Variants in KLHL13 observed in about 807,000 individuals in gnomAD.
KLHL13 encodes the protein kelch like family member 13, also known as kelch-like protein 13.
Under a neutral mutation model 37.1 loss-of-function variants are expected in KLHL13, and 10 were observed. The observed-to-expected ratio is 0.27, with a 90% CI of 0.17 to 0.46. The LOEUF (loss-of-function observed/expected upper bound fraction) is 0.46. Ranked by LOEUF, KLHL13 falls within the 20% of genes least tolerant of loss-of-function variation. KLHL13 has a pLI of 1.00. For missense variants in KLHL13, 360 were observed against 509.3 expected (o/e 0.71, Z 2.82); for synonymous variants, 163 against 181.2 (o/e 0.90, Z 0.81).
rs757635910 is a variant in KLHL13 at position 118,106,192 on chromosome X, C to T, written c.-56+10316G>A. Among the ~76,000 whole-genome samples, 5 of 109,156 alleles carry T rather than the reference C, an allele frequency of 4.6e-5. No individual in the cohort carries two copies. In the South Asian group the frequency reaches 2.0e-3, roughly 44 times the overall value. The allele number at this position is 109,156 out of a possible 115,157, so 94.8% of individuals were successfully genotyped here. A position where few individuals can be genotyped will look rare whatever the true frequency, so the allele number is the denominator to read the frequency against. ...GATTACAGGCATGAGCCACCGCGCC[C>T]GGCCAAGAGCTTTTTATATCATTAG... is the stretch of plus-strand genomic sequence containing the variant. On this transcript the variant is annotated intron_variant, in intron 1 of 6. Coordinates refer to the KLHL13 transcript ENST00000371882.
At chrX:117,978,157 A>G (rs1031786684), upstream of KLHL13, among the ~76,000 whole-genome samples, 5 of 112,676 alleles carry the variant, frequency 4.4e-5, no homozygotes, top group African/African-American at 1.6e-4. Context: ...CTACAAAGAC[A>G]TTCCCTTTTG....
At chrX:117,941,746 A>G (rs1179607284) in intron 2 of KLHL13, among the ~76,000 whole-genome samples, 2 of 110,991 alleles carry the variant, frequency 1.8e-5, no homozygotes, top group Non-Finnish European at 3.8e-5. Flanking sequence ...TAATCTGGCT[A>G]GCGGTCTATC....
At chrX:117,964,131 A>T (rs1374094577) in intron 1 of KLHL13, among the ~76,000 whole-genome samples, 2 of 102,313 alleles carry the variant, frequency 2.0e-5, no homozygotes, top group Non-Finnish European at 4.0e-5. Context: ...AGCATGGCAC[A>T]TGTATACATA....
At chrX:118,116,199 G>C (rs1273225937) in intron 1 of KLHL13, among the ~76,000 whole-genome samples, 1 of 111,617 alleles carries the variant, frequency 9.0e-6, no homozygotes, top group Non-Finnish European at 1.9e-5. Context: ...GCGAGGCCCA[G>C]AGGAGAAGAT....
chrX:118,048,658 C>T lies in KLHL13; in HGVS notation c.-56+67850G>A, dbSNP rs770557430. On this transcript the variant is annotated intron_variant, in intron 1 of 6. Coordinates refer to the KLHL13 transcript ENST00000371882. ...AGTCGGGACTATGTAGATGTGCAGACGGGATATGACATAGAAAGGCCAACA... is the reference window on the plus strand; with the variant it reads ...AGTCGGGACTATGTAGATGTGCAGATGGGATATGACATAGAAAGGCCAACA... Among the ~76,000 whole-genome samples, 12 of 111,571 alleles carry T rather than the reference C, an allele frequency of 1.1e-4. No homozygotes were observed. The South Asian group carries it at 4.1e-3, about 38-fold the overall frequency.
chrX:117,955,435 C>CT (rs1479183369), intron 1 of KLHL13, among the ~76,000 whole-genome samples: 2 of 111,740 alleles, frequency 1.8e-5, no homozygotes, highest in African/African-American at 6.5e-5. Flanking sequence ...CCCAATGACT[C>CT]TATGTATTCA....
exon 7 of KLHL13, chrX:117,898,733 A>G: frequency 2.0e-6 from 1 of 507,732 alleles, no homozygotes; most frequent in Non-Finnish European, 3.1e-6. Flanking sequence ...ACCACTTTAT[A>G]AACATTCTAG....
rs184124210 is a variant in KLHL13, at chrX:117,916,972, T to A, written c.570+2549A>T. On this transcript the variant is annotated intron_variant, in intron 4 of 6. Coordinates refer to ENST00000262820, the Ensembl canonical transcript of KLHL13. ...TTAAAAAATATAGTATCTTGAGATG[T>A]TCAGTTTTTATAAGTAGAAAATACA... Among the ~76,000 whole-genome samples, 286 of 112,008 alleles carry A rather than the reference T, an allele frequency of 2.6e-3. 1 individual carries two copies. Among genetic ancestry groups the A allele is most frequent in the Middle Eastern group, 0.014 (3 of 215 alleles).
At chrX:118,108,963 T>C (rs755176755) in intron 1 of KLHL13, among the ~76,000 whole-genome samples, 7 of 111,607 alleles carry the variant, frequency 6.3e-5, no homozygotes, top group African/African-American at 2.3e-4. Flanking sequence ...TGTGCCTCCA[T>C]GCCCAGCTAA....
In KLHL13 at chrX:117,920,975, C is replaced by A. The variant is rs780155846; in HGVS notation, c.241-605G>T. Among the ~76,000 whole-genome samples, 3 of 110,030 alleles carry A rather than the reference C, an allele frequency of 2.7e-5. No homozygotes were observed. In the South Asian group the frequency reaches 1.2e-3, roughly 43 times the overall value. ...TTAATTATCTTTGTTTGAAAAAAAA[C>A]AAAAAAAAGCCCAGGAAACCCCAAC... On this transcript the variant is annotated intron_variant, in intron 2 of 6. Coordinates refer to ENST00000262820, the Ensembl canonical transcript of KLHL13.
intron 2 of KLHL13, among the ~76,000 whole-genome samples, chrX:117,928,522 A>G (rs1004678778): frequency 2.7e-5 from 3 of 112,267 alleles, no homozygotes; most frequent in African/African-American, 9.7e-5. Flanking sequence ...CTCTGGCCCC[A>G]GCTTAATTAT....
intron 1 of KLHL13, among the ~76,000 whole-genome samples, chrX:118,064,386 C>T (rs2054774217): frequency 9.0e-6 from 1 of 111,313 alleles, no homozygotes; most frequent in Non-Finnish European, 1.9e-5. Flanking sequence ...CTTTTTCCCT[C>T]CAATTCCCAA....
intron 1 of KLHL13, among the ~76,000 whole-genome samples, chrX:118,103,756 T>G: frequency 9.0e-6 from 1 of 110,736 alleles, no homozygotes; most frequent in Non-Finnish European, 1.9e-5. Flanking sequence ...CACAGAGATA[T>G]TTGGTTTGGT....
upstream of KLHL13, among the ~76,000 whole-genome samples, chrX:117,977,387 CTAAA>C (rs2053608031): frequency 9.0e-6 from 1 of 111,473 alleles, no homozygotes; most frequent in South Asian, 3.7e-4. Context: ...GCATATGTTC[CTAAA>C]TAATTTTATA....
intron 1 of KLHL13, chrX:117,947,212 T>G (rs1933366691): frequency 8.9e-6 from 1 of 111,895 alleles, no homozygotes; most frequent in East Asian, 2.8e-4. Context: ...AGAAATTGAT[T>G]GATGGTGACT....
chrX:118,060,562 C>T (rs2148092163), intron 1 of KLHL13, among the ~76,000 whole-genome samples: 1 of 110,787 alleles, frequency 9.0e-6, no homozygotes, highest in Admixed American at 9.7e-5. Flanking sequence ...AGTTACTTTA[C>T]CAAATCCTCA....
chrX:117,958,853 T>C (rs1456909550), intron 1 of KLHL13, among the ~76,000 whole-genome samples: 1 of 111,805 alleles, frequency 8.9e-6, no homozygotes. Context: ...AACTTTTTTC[T>C]CTAATCCATA....
intron 4 of KLHL13, among the ~76,000 whole-genome samples, chrX:117,911,380 C>T (rs1184002718): frequency 8.9e-6 from 1 of 112,401 alleles, no homozygotes; most frequent in Non-Finnish European, 1.9e-5. Context: ...AAGGTTAACA[C>T]ACACACATTG....
At chrX:118,072,485 C>A (rs2054881022) in intron 1 of KLHL13, among the ~76,000 whole-genome samples, 2 of 111,598 alleles carry the variant, frequency 1.8e-5, no homozygotes, top group South Asian at 7.6e-4. Context: ...CAAATGGGAT[C>A]TAATTCAACT....
Sources: gnomAD v4.1 joint callset for allele counts (sites outside exome capture counted in the v4.1 genomes callset) on GRCh38, gnomAD v4.1.1 for gene constraint, MANE v1.5 for transcripts, NCBI Gene and HGNC (gene_info 2026-07-23, HGNC 2026-07-21) for gene names.